ABCD3: variants seen among roughly 807,000 people sequenced by gnomAD.
The protein encoded by ABCD3 is ATP-binding cassette sub-family D member 3.
A neutral mutation model predicts 105.5 loss-of-function variants in ABCD3; 41 were observed. That is an observed-to-expected ratio of 0.39 (90% confidence interval 0.30 to 0.50). The LOEUF (loss-of-function observed/expected upper bound fraction) is 0.50, where lower values mean the gene tolerates loss of function less well. Ranked by LOEUF, ABCD3 falls within the 20% of genes least tolerant of loss-of-function variation. The pLI, the probability that ABCD3 is intolerant of heterozygous loss-of-function variation, is 0.84. For missense variants in ABCD3, 622 were observed against 806.3 expected, an observed-to-expected ratio of 0.77 and a Z score of 2.77; for synonymous variants, 258 against 269.0, an observed-to-expected ratio of 0.96 and a Z score of 0.40.
chr1:94,467,843 A>C (rs1648227545), intron 3 of ABCD3, 76 bp from the exon 4 acceptor site: 1 of 1,083,072 alleles, frequency 9.2e-7, no homozygotes, highest in Non-Finnish European at 1.4e-6. Context: ...GGAAACCAAA[A>C]ATTGTTACCA....
At position 94,475,659 on chromosome 1, in the gene ABCD3, T is replaced by A; in HGVS notation, c.549T>A (p.Ala183=). The A allele has an allele frequency of 6.2e-7, 1 of 1,612,078 alleles. No individual in the cohort carries two copies. The highest frequency in any genetic ancestry group is 2.2e-5 in the East Asian group (1 of 44,752). Residue 183 remains alanine (A), a synonymous_variant, in exon 7 of 23, where the codon GCT becomes GCA. Coordinates refer to ENST00000370214, the MANE Select transcript of ABCD3 (RefSeq NM_002858.4). The part of the protein sequence containing the change: ...YKMGNLDNRI[A]NPDQLLTQDV... Reference sequence around the variant, plus strand: ...TGGGGAATCTGGACAACAGAATAGCTAATCCAGACCAGCTGCTTACACAAG... The same window carrying A: ...TGGGGAATCTGGACAACAGAATAGCAAATCCAGACCAGCTGCTTACACAAG...
intron 9 of ABCD3, among the ~76,000 whole-genome samples, chr1:94,481,026 T>C (rs1397059950): frequency 6.6e-6 from 1 of 152,204 alleles, no homozygotes; most frequent in Non-Finnish European, 1.5e-5. Flanking sequence ...GTTTTTTAAA[T>C]GTAAGATAGG....
chr1:94,450,833 T>A (rs1647218769), intron 1 of ABCD3, among the ~76,000 whole-genome samples: 1 of 152,220 alleles, frequency 6.6e-6, no homozygotes, highest in Non-Finnish European at 1.5e-5. Context: ...CTCTTTTTTC[T>A]TTTACAAGTT....
In ABCD3 at chr1:94,512,712, TTAAG is replaced by T. The variant is rs1482857820; in HGVS notation, c.1846-2430_1846-2427del. ...AGGCTATCTTTATTGGTTCCATTCT[TTAAG>T]TAATTATTCAATAGTATCAGTTTTC... On this transcript the variant is annotated intron_variant, in intron 21 of 22. Transcript: ENST00000370214. Among the ~76,000 whole-genome samples the T allele has an allele frequency of 2.1e-4, 32 of 152,242 alleles. No individual in the cohort carries two copies. The East Asian group carries it at 6.0e-3, about 28-fold the overall frequency.
At position 94,508,366 on chromosome 1, in the gene ABCD3, A is replaced by C. The variant is rs562788358; in HGVS notation, c.1845+1724A>C. On this transcript the variant is annotated intron_variant, in intron 21 of 22. Coordinates refer to ENST00000370214, the MANE Select transcript of ABCD3 (RefSeq NM_002858.4). The stretch of plus-strand genomic sequence containing the variant: ...ATTGATCTATATCTCTGTTTTGGTA[A>C]CAGTACCATGCTGTTTTGGTTACTG... Among the ~76,000 whole-genome samples, 31 of 152,060 alleles carry C rather than the reference A, an allele frequency of 2.0e-4. No homozygotes were observed. The East Asian group carries it at 2.5e-3, about 12-fold the overall frequency.
intron 15 of ABCD3, 28 bp from the exon 16 acceptor site, chr1:94,491,156 A>T (rs1221019213): frequency 6.5e-7 from 1 of 1,532,272 alleles, no homozygotes. Flanking sequence ...CTTTAAAGTA[A>T]TTCTCTTTTT....
intron 20 of ABCD3, among the ~76,000 whole-genome samples, chr1:94,500,567 G>C (rs1314957525): frequency 2.0e-5 from 3 of 152,174 alleles, no homozygotes; most frequent in Non-Finnish European, 4.4e-5. Flanking sequence ...CCAAGCAAGA[G>C]ATTCTCCTCT....
At chr1:94,473,363 A>G (rs1648578405) in intron 4 of ABCD3, among the ~76,000 whole-genome samples, 1 of 152,174 alleles carries the variant, frequency 6.6e-6, no homozygotes. Flanking sequence ...GTTCACACAA[A>G]TGAGAATCAG....
At chr1:94,433,802 A>ATGCCC (rs1659788147) in intron 1 of ABCD3, among the ~76,000 whole-genome samples, 1 of 148,330 alleles carries the variant, frequency 6.7e-6, no homozygotes, top group South Asian at 2.2e-4. Flanking sequence ...GTGGGCCATC[A>ATGCCC]TGCCCTGCTA....
At chr1:94,411,403 G>A in the ABCD3 span, among the ~76,000 whole-genome samples, 1 of 152,122 alleles carries the variant, frequency 6.6e-6, no homozygotes, top group Non-Finnish European at 1.5e-5. Context: ...TTAGGGAAGT[G>A]AAAATCAAAA....
At chr1:94,480,678 C>G in intron 9 of ABCD3, 72 bp downstream of exon 9, 2 of 1,529,436 alleles carry the variant, frequency 1.3e-6, no homozygotes, top group African/African-American at 2.7e-5. Flanking sequence ...AAATTGACTC[C>G]AAAAAGTCTA....
At chr1:94,469,167 T>C (rs1419040625) in intron 4 of ABCD3, among the ~76,000 whole-genome samples, 1 of 152,166 alleles carries the variant, frequency 6.6e-6, no homozygotes, top group Non-Finnish European at 1.5e-5. Context: ...TTTTTACTGC[T>C]TCATCTCTTA....
At chr1:94,440,080 A>G (rs1295844011) in intron 1 of ABCD3, among the ~76,000 whole-genome samples, 1 of 152,190 alleles carries the variant, frequency 6.6e-6, no homozygotes, top group East Asian at 1.9e-4. Context: ...ATCATAGGTT[A>G]TAGTTTTTAT....
At chr1:94,418,218 T>C (rs112213461), upstream of ABCD3, among the ~76,000 whole-genome samples, 9 of 152,154 alleles carry the variant, frequency 5.9e-5, no homozygotes, top group African/African-American at 1.4e-4. Flanking sequence ...CCGGAGACCC[T>C]GAAGGAGTCC....
chr1:94,472,361 T>C, intron 4 of ABCD3: 1 of 227,960 alleles, frequency 4.4e-6, no homozygotes, highest in South Asian at 1.6e-4. Flanking sequence ...TCTCTGAACC[T>C]TTTGTACTGT....
the ABCD3 span, among the ~76,000 whole-genome samples, chr1:94,400,766 T>C: frequency 6.6e-6 from 1 of 152,214 alleles, no homozygotes; most frequent in South Asian, 2.1e-4. Flanking sequence ...TAAACTTACA[T>C]TATTACCACT....
At chr1:94,388,890 G>C in the ABCD3 span, among the ~76,000 whole-genome samples, 43 of 152,094 alleles carry the variant, frequency 2.8e-4, no homozygotes, top group Non-Finnish European at 5.9e-4. Context: ...GACAACTGTT[G>C]CTCAATCCCA....
In ABCD3 at chr1:94,450,189, G is replaced by A. The variant is rs557246804; in HGVS notation, c.111-8418G>A. On this transcript the variant is annotated intron_variant, in intron 1 of 22. Transcript: ENST00000370214. ...TCACTGATGATTATGCTTTTAATCT[G>A]TGTTGTTTGTCTTTGTATAGTCTGC... Among the ~76,000 whole-genome samples, 5 of 152,338 alleles carry A rather than the reference G, an allele frequency of 3.3e-5. No individual in the cohort carries two copies. In the East Asian group the frequency reaches 7.7e-4, roughly 24 times the overall value.
intron 10 of ABCD3, among the ~76,000 whole-genome samples, chr1:94,484,097 C>G (rs1557681974): frequency 6.6e-6 from 1 of 152,228 alleles, no homozygotes; most frequent in Non-Finnish European, 1.5e-5. Context: ...GAGACACTAT[C>G]TCACACCAGT....
Sources: allele counts gnomAD v4.1 joint callset (sites outside exome capture counted in the v4.1 genomes callset), GRCh38; gene constraint gnomAD v4.1.1; transcripts MANE v1.5; gene names NCBI Gene and HGNC (gene_info 2026-07-23, HGNC 2026-07-21).